Variants in IGF2BP3 observed in about 807,000 individuals in gnomAD.
The protein encoded by IGF2BP3 is insulin like growth factor 2 mRNA binding protein 3, also known as insulin-like growth factor 2 mRNA-binding protein 3.
IGF2BP3 carries 9 observed loss-of-function variants against 73.8 expected under a neutral mutation model. The ratio of observed to expected loss-of-function variants is 0.12; its 90% confidence interval spans 0.07 to 0.21. The LOEUF (loss-of-function observed/expected upper bound fraction) is 0.21. IGF2BP3 is among the 10% of genes least tolerant of loss of function. IGF2BP3 has a pLI of 1.00. For synonymous variants in IGF2BP3, 258 were observed against 256.7 expected, an observed-to-expected ratio of 1.01 and a Z score of -0.05; for missense variants, 542 against 714.0, an observed-to-expected ratio of 0.76 and a Z score of 2.75.
intron 3 of IGF2BP3, among the ~76,000 whole-genome samples, chr7:23,382,720 A>G (rs1785950624): frequency 6.6e-6 from 1 of 152,004 alleles, no homozygotes; most frequent in Admixed American, 6.6e-5. Flanking sequence ...TCAAAATTCT[A>G]GAAGCCCATA....
intron 3 of IGF2BP3, among the ~76,000 whole-genome samples, chr7:23,407,609 CAAA>C (rs569308741): frequency 2.6e-4 from 23 of 89,638 alleles, no homozygotes; most frequent in African/African-American, 4.2e-4. Context: ...ACTCTGTCTC[CAAA>C]AAAAAAAAAA....
chr7:23,460,858 G>A (rs1788435790), intron 2 of IGF2BP3, among the ~76,000 whole-genome samples: 1 of 152,148 alleles, frequency 6.6e-6, no homozygotes, highest in Non-Finnish European at 1.5e-5. Flanking sequence ...GGCTGTGGCA[G>A]GAGGACCTCT....
intron 2 of IGF2BP3, among the ~76,000 whole-genome samples, chr7:23,465,670 T>G (rs1362376326): frequency 6.6e-6 from 1 of 152,228 alleles, no homozygotes; most frequent in Non-Finnish European, 1.5e-5. Flanking sequence ...TGACATGCCT[T>G]GTATATCAAG....
chr7:23,457,440 G>A lies in IGF2BP3; in HGVS notation c.236+11042C>T, dbSNP rs577462141. ...AGATCGCGCCACTGCACTCCAGCCTGGGCGAGACCAAGACCCTGTTTCAAA... is the reference window on the plus strand; with the variant it reads ...AGATCGCGCCACTGCACTCCAGCCTAGGCGAGACCAAGACCCTGTTTCAAA... On this transcript the variant is annotated intron_variant, in intron 2 of 14. Transcript: ENST00000258729. Among the ~76,000 whole-genome samples, 3 of 152,168 alleles carry A rather than the reference G, an allele frequency of 2.0e-5. No homozygotes were observed. The East Asian group carries it at 5.8e-4, about 29-fold the overall frequency.
intron 2 of IGF2BP3, among the ~76,000 whole-genome samples, chr7:23,424,602 A>T (rs1787446707): frequency 6.6e-6 from 1 of 152,102 alleles, no homozygotes; most frequent in Admixed American, 6.6e-5. Flanking sequence ...TCACAAAAGA[A>T]AGAGTCAATG....
At chr7:23,467,769 C>A (rs957778848) in intron 2 of IGF2BP3, 6 of 153,048 alleles carry the variant, frequency 3.9e-5, no homozygotes, top group African/African-American at 1.4e-4. Flanking sequence ...ACATACTACA[C>A]ACATGATCTC....
intron 10 of IGF2BP3, among the ~76,000 whole-genome samples, chr7:23,322,546 A>C (rs998124434): frequency 1.3e-5 from 2 of 152,210 alleles, no homozygotes; most frequent in East Asian, 3.8e-4. Flanking sequence ...GCAGGCCAAC[A>C]TTCAGATTCA....
chr7:23,465,730 A>G (rs1788552249), intron 2 of IGF2BP3, among the ~76,000 whole-genome samples: 1 of 152,236 alleles, frequency 6.6e-6, no homozygotes, highest in Non-Finnish European at 1.5e-5. Context: ...AGATGCCCAC[A>G]TGATGATGGG....
chr7:23,428,509 C>T (rs1008985256), intron 2 of IGF2BP3, among the ~76,000 whole-genome samples: 1 of 147,106 alleles, frequency 6.8e-6, no homozygotes, highest in African/African-American at 2.5e-5. Flanking sequence ...CTCTTTGATG[C>T]TGTATAAAAG....
intron 13 of IGF2BP3, 152 bp downstream of exon 13, chr7:23,313,370 C>CA (rs1316275980): frequency 2.6e-6 from 2 of 783,042 alleles, no homozygotes; most frequent in Middle Eastern, 2.7e-4. Flanking sequence ...CACCAACACT[C>CA]AGACAGGAAA....
At chr7:23,337,827 A>G (rs1206284788) in intron 10 of IGF2BP3, among the ~76,000 whole-genome samples, 1 of 152,162 alleles carries the variant, frequency 6.6e-6, no homozygotes, top group Non-Finnish European at 1.5e-5. Flanking sequence ...CTGTCACCAC[A>G]TCCAGCAATC....
chr7:23,417,769 A>T (rs960894999), intron 3 of IGF2BP3, among the ~76,000 whole-genome samples: 2 of 152,236 alleles, frequency 1.3e-5, no homozygotes, highest in African/African-American at 4.8e-5. Flanking sequence ...ATAAATGTTA[A>T]TCTAAAACAG....
intron 2 of IGF2BP3, among the ~76,000 whole-genome samples, chr7:23,448,149 A>G (rs981913389): frequency 6.6e-6 from 1 of 152,238 alleles, no homozygotes; most frequent in African/African-American, 2.4e-5. Flanking sequence ...ACAAGGTTCC[A>G]GCCTCAAAAT....
At chr7:23,333,229 T>C (rs1279111255) in intron 10 of IGF2BP3, among the ~76,000 whole-genome samples, 1 of 152,212 alleles carries the variant, frequency 6.6e-6, no homozygotes, top group East Asian at 1.9e-4. Context: ...AGCTAATTTT[T>C]TAAAAAGTTA....
chr7:23,391,660 T>TCA (rs1193077811), intron 3 of IGF2BP3, among the ~76,000 whole-genome samples: 1 of 152,172 alleles, frequency 6.6e-6, no homozygotes, highest in East Asian at 1.9e-4. Flanking sequence ...GAATCAAGTA[T>TCA]CACCAAAGGC....
In IGF2BP3 at chr7:23,427,373, T is replaced by C. The variant is rs530096195; in HGVS notation, c.237-8549A>G. On this transcript the variant is annotated intron_variant, in intron 2 of 14. Coordinates refer to ENST00000258729, the MANE Select transcript of IGF2BP3 (RefSeq NM_006547.3). ...CTTTTCCTCACTCCCCAATTCATTCTTCCCCTTCCCTCACTTCTTCTTGAA... is the reference window on the plus strand; with the variant it reads ...CTTTTCCTCACTCCCCAATTCATTCCTCCCCTTCCCTCACTTCTTCTTGAA... 9.2e-5 allele frequency among the ~76,000 whole-genome samples: 14 copies of C among 152,282 alleles called. No homozygotes were observed. In the South Asian group the frequency reaches 2.9e-3, roughly 32 times the overall value.
At chr7:23,406,005 C>G (rs963238546) in intron 3 of IGF2BP3, among the ~76,000 whole-genome samples, 1 of 151,304 alleles carries the variant, frequency 6.6e-6, no homozygotes, top group African/African-American at 2.4e-5. Context: ...CCGGTGAGTT[C>G]TCTTCAGAAC....
chr7:23,313,789 T>C, intron 12 of IGF2BP3, 136 bp from the exon 13 acceptor site: 1 of 830,560 alleles, frequency 1.2e-6, no homozygotes, highest in Non-Finnish European at 1.8e-6. Flanking sequence ...TTGTTGAAAA[T>C]AACATAGAAG....
chr7:23,442,944 C>G (rs1055744592), intron 2 of IGF2BP3, among the ~76,000 whole-genome samples: 7 of 151,978 alleles, frequency 4.6e-5, no homozygotes, highest in Non-Finnish European at 8.8e-5. Context: ...TATGTTTAAT[C>G]AAACCATTTG....
Sources: gnomAD v4.1 joint callset for allele counts (sites outside exome capture counted in the v4.1 genomes callset) on GRCh38, gnomAD v4.1.1 for gene constraint, MANE v1.5 for transcripts, NCBI Gene and HGNC (gene_info 2026-07-23, HGNC 2026-07-21) for gene names.